Variants in MDGA2 observed in about 807,000 individuals in gnomAD.
The protein encoded by MDGA2 is MAM domain containing glycosylphosphatidylinositol anchor 2.
A neutral mutation model predicts 117.8 loss-of-function variants in MDGA2; 40 were observed. The ratio of observed to expected loss-of-function variants is 0.34; its 90% CI spans 0.26 to 0.44. The LOEUF is 0.44. Among genes scored for constraint, MDGA2 ranks in the 20% least tolerant of loss-of-function variants. The pLI, the probability that MDGA2 is intolerant of heterozygous loss-of-function variation, is 1.00. For missense variants in MDGA2, 1,123 were observed against 1,250.6 expected (o/e 0.90, Z 1.54); for synonymous variants, 452 against 439.0 (o/e 1.03, Z -0.37).
At chr14:47,086,611 G>C (rs1411039114) in intron 6 of MDGA2, among the ~76,000 whole-genome samples, 1 of 47,640 alleles carries the variant, frequency 2.1e-5, no homozygotes, top group Non-Finnish European at 4.2e-5. Flanking sequence ...GTTAAACATA[G>C]ATTTTTTTTT....
chr14:47,072,910 C>T (rs1890346669), intron 6 of MDGA2, among the ~76,000 whole-genome samples: 1 of 152,138 alleles, frequency 6.6e-6, no homozygotes, highest in African/African-American at 2.4e-5. Flanking sequence ...CCTGTTAATC[C>T]TAATTATAAC....
chr14:46,941,284 G>A (rs1249429409), intron 9 of MDGA2, among the ~76,000 whole-genome samples: 2 of 152,172 alleles, frequency 1.3e-5, no homozygotes, highest in African/African-American at 4.8e-5. Flanking sequence ...CTTAAGTAAT[G>A]TGAAATTATA....
chr14:47,226,875 C>T lies in MDGA2; in HGVS notation c.421-8680G>A, dbSNP rs568534484. 9.2e-5 allele frequency among the ~76,000 whole-genome samples: 14 copies of T among 152,214 alleles called. No individual in the cohort carries two copies. In the South Asian group the frequency reaches 1.7e-3, roughly 18 times the overall value. ...TTTACAGCTCCAGTCCTTCCATGAC[C>T]GTGAGACTATGTGCTATTATATACT... is the stretch of plus-strand genomic sequence containing the variant. On this transcript the variant is annotated intron_variant, in intron 2 of 16. Transcript: ENST00000399232.
At chr14:47,131,572 G>C in intron 5 of MDGA2, 142 bp downstream of exon 5, 1 of 540,106 alleles carries the variant, frequency 1.9e-6, no homozygotes, top group South Asian at 4.7e-5. Flanking sequence ...AAGCTTTTCA[G>C]ATATCCCAGG....
intron 1 of MDGA2, among the ~76,000 whole-genome samples, chr14:47,505,755 G>A (rs1894497806): frequency 1.3e-5 from 2 of 152,086 alleles, no homozygotes; most frequent in Admixed American, 1.3e-4. Context: ...GAAATCCAGA[G>A]TTAATTTATC....
chr14:47,020,297 T>C (rs939150995), intron 8 of MDGA2, among the ~76,000 whole-genome samples: 5 of 152,316 alleles, frequency 3.3e-5, no homozygotes, highest in South Asian at 2.1e-4. Flanking sequence ...ATGTGATTCT[T>C]AGTAAATACT....
intron 1 of MDGA2, among the ~76,000 whole-genome samples, chr14:47,538,979 G>A (rs558355567): frequency 6.6e-6 from 1 of 152,344 alleles, no homozygotes; most frequent in East Asian, 1.9e-4. Context: ...GATCACTGGA[G>A]AAGGTATGGC....
At chr14:47,303,138 T>C (rs1448585971) in intron 1 of MDGA2, among the ~76,000 whole-genome samples, 1 of 152,176 alleles carries the variant, frequency 6.6e-6, no homozygotes, top group East Asian at 1.9e-4. Flanking sequence ...AGACCTGATA[T>C]ATCTGCAGGA....
intron 11 of MDGA2, among the ~76,000 whole-genome samples, chr14:46,880,210 A>G (rs1440607242): frequency 6.6e-6 from 1 of 151,992 alleles, no homozygotes; most frequent in African/African-American, 2.4e-5. Context: ...ATGTAATACC[A>G]GCTACTGGGG....
intron 2 of MDGA2, among the ~76,000 whole-genome samples, chr14:47,287,091 G>C (rs1175009110): frequency 6.6e-6 from 1 of 151,820 alleles, no homozygotes; most frequent in Non-Finnish European, 1.5e-5. Context: ...ACAAGTAAAA[G>C]AGAGGTTAAA....
chr14:46,867,156 T>C (rs1199698710), intron 14 of MDGA2, among the ~76,000 whole-genome samples: 1 of 152,138 alleles, frequency 6.6e-6, no homozygotes, highest in Non-Finnish European at 1.5e-5. Context: ...TGTCCAACAA[T>C]GATAGACTGG....
chr14:47,629,178 G>A (rs772148838), intron 1 of MDGA2, among the ~76,000 whole-genome samples: 1 of 152,100 alleles, frequency 6.6e-6, no homozygotes, highest in Admixed American at 6.5e-5. Flanking sequence ...GAATAAAAAC[G>A]GCTTATAAAT....
intron 1 of MDGA2, among the ~76,000 whole-genome samples, chr14:47,334,149 T>G (rs1890373679): frequency 6.6e-6 from 1 of 151,854 alleles, no homozygotes; most frequent in Admixed American, 6.6e-5. Context: ...AAAACCTTCT[T>G]GGCTTTTTTG....
intron 1 of MDGA2, among the ~76,000 whole-genome samples, chr14:47,334,532 T>C (rs1474895551): frequency 6.6e-6 from 1 of 151,952 alleles, no homozygotes; most frequent in African/African-American, 2.4e-5. Flanking sequence ...ATTAGTGGGA[T>C]AATTTCTTTA....
intron 1 of MDGA2, among the ~76,000 whole-genome samples, chr14:47,504,983 C>T (rs1894481241): frequency 6.6e-6 from 1 of 152,100 alleles, no homozygotes; most frequent in Non-Finnish European, 1.5e-5. Context: ...AAAAAATGTG[C>T]TGTATACACA....
chr14:47,151,092 C>T lies in MDGA2; in HGVS notation c.596-6818G>A, dbSNP rs542257399. Among the ~76,000 whole-genome samples, 47 of 152,172 alleles carry T rather than the reference C, an allele frequency of 3.1e-4. 1 individual carries two copies. In the South Asian group the frequency reaches 5.6e-3, roughly 18 times the overall value. On this transcript the variant is annotated intron_variant, in intron 3 of 16. Coordinates refer to ENST00000399232, the MANE Select transcript of MDGA2 (RefSeq NM_001113498.3). ...GTTCTTTGGAAATCTGATTCTTTGA[C>T]GAAGACATGCATTTCGGAAGTTTGT...
intron 1 of MDGA2, chr14:47,342,863 T>C: frequency 8.3e-6 from 3 of 362,038 alleles, no homozygotes; most frequent in South Asian, 6.3e-5. Flanking sequence ...CTTAAACACT[T>C]AAAGGCTAGG....
chr14:47,264,330 T>C (rs1234709728), intron 2 of MDGA2, among the ~76,000 whole-genome samples: 4 of 152,136 alleles, frequency 2.6e-5, no homozygotes, highest in Admixed American at 2.0e-4. Context: ...ACTACTAAAA[T>C]TCATAATTAT....
chr14:47,670,869 T>C (rs1450084823), intron 1 of MDGA2, among the ~76,000 whole-genome samples: 1 of 152,100 alleles, frequency 6.6e-6, no homozygotes, highest in African/African-American at 2.4e-5. Flanking sequence ...AGCAAAAATC[T>C]ATAGCTTAAG....
Sources: gnomAD v4.1 joint callset for allele counts (sites outside exome capture counted in the v4.1 genomes callset) on GRCh38, gnomAD v4.1.1 for gene constraint, MANE v1.5 for transcripts, NCBI Gene and HGNC (gene_info 2026-07-23, HGNC 2026-07-21) for gene names.